The following TSPAN7 variants were observed in gnomAD, a reference collection of about 807,000 sequenced individuals.
The protein encoded by TSPAN7 is tetraspanin 7.
Under a neutral mutation model 17.6 loss-of-function variants are expected in TSPAN7, and 1 was observed. That is an observed-to-expected ratio of 0.06 (90% CI 0.02 to 0.27). TSPAN7 has a LOEUF of 0.27. TSPAN7 is among the 10% of genes least tolerant of loss of function. The probability of loss-of-function intolerance (pLI) is 1.00; values close to 1 mark genes in which losing one functional copy is unlikely to be tolerated. For missense variants in TSPAN7, 112 were observed against 201.7 expected (o/e 0.56, Z 2.69); for synonymous variants, 78 against 79.0 (o/e 0.99, Z 0.07).
intron 1 of TSPAN7, among the ~76,000 whole-genome samples, chrX:38,647,133 A>G (rs1258384630): frequency 8.9e-5 from 10 of 112,088 alleles, no homozygotes; most frequent in Non-Finnish European, 1.3e-4. Context: ...TATGCTTACT[A>G]CTCTTTTAAC....
intron 5 of TSPAN7, among the ~76,000 whole-genome samples, chrX:38,676,538 AAGATTATCTACATCTTAAATGTTT>A (rs2069855077): frequency 1.8e-5 from 2 of 112,483 alleles, no homozygotes; most frequent in African/African-American, 6.4e-5. Flanking sequence ...ACTGCATGTG[AAGATTATCTACATCTTAAATGTTT>A]AGAGAAATAC....
chrX:38,684,577 C>T (rs755491937), intron 6 of TSPAN7, among the ~76,000 whole-genome samples: 101 of 111,291 alleles, frequency 9.1e-4, no homozygotes, highest in Non-Finnish European at 1.5e-3. Context: ...TGGGCATGGA[C>T]ATGTTTATTG....
intron 1 of TSPAN7, among the ~76,000 whole-genome samples, chrX:38,564,747 A>G: frequency 8.9e-6 from 1 of 111,741 alleles, no homozygotes; most frequent in African/African-American, 3.3e-5. Context: ...TGTCTTTTTT[A>G]TGTGCTTGTT....
At chrX:38,565,850 C>T (rs1282854338) in intron 1 of TSPAN7, among the ~76,000 whole-genome samples, 2 of 111,539 alleles carry the variant, frequency 1.8e-5, no homozygotes. Context: ...AGTTTTGCCC[C>T]CCTCCCATAT....
intron 1 of TSPAN7, chrX:38,608,382 T>C (rs972335664): frequency 7.2e-5 from 8 of 110,509 alleles, no homozygotes; most frequent in African/African-American, 2.3e-4. Context: ...TTTAAAACAC[T>C]TGACTGCTGA....
intron 1 of TSPAN7, among the ~76,000 whole-genome samples, chrX:38,659,609 A>G (rs925544793): frequency 5.5e-5 from 6 of 109,568 alleles, no homozygotes; most frequent in African/African-American, 2.0e-4. Flanking sequence ...CAAAACTACA[A>G]CTGAAGCCCT....
intron 1 of TSPAN7, among the ~76,000 whole-genome samples, chrX:38,660,263 A>G: frequency 8.9e-6 from 1 of 112,179 alleles, no homozygotes; most frequent in East Asian, 2.8e-4. Context: ...TATACATACA[A>G]TTTGTAATAA....
At chrX:38,637,742 G>A (rs1406374505) in intron 1 of TSPAN7, among the ~76,000 whole-genome samples, 10 of 112,676 alleles carry the variant, frequency 8.9e-5, no homozygotes, top group Non-Finnish European at 1.7e-4. Context: ...CGGGTGGTCC[G>A]TGACACACTA....
intron 5 of TSPAN7, among the ~76,000 whole-genome samples, chrX:38,677,098 C>G (rs1437061212): frequency 8.9e-6 from 1 of 111,868 alleles, no homozygotes; most frequent in Non-Finnish European, 1.9e-5. Context: ...GCTTCCTCTT[C>G]TTTTGTGAAA....
intron 1 of TSPAN7, among the ~76,000 whole-genome samples, chrX:38,589,945 C>G (rs1602090383): frequency 8.9e-6 from 1 of 112,447 alleles, no homozygotes; most frequent in Non-Finnish European, 1.9e-5. Context: ...CTATAAAGAC[C>G]TAACTGGTGA....
intron 3 of TSPAN7, among the ~76,000 whole-genome samples, chrX:38,674,014 G>A (rs1307635086): frequency 9.0e-6 from 1 of 111,670 alleles, no homozygotes; most frequent in Non-Finnish European, 1.9e-5. Flanking sequence ...TTGAGGCTGA[G>A]GGGAACAATT....
At chrX:38,676,914 T>C (rs1469055526) in intron 5 of TSPAN7, among the ~76,000 whole-genome samples, 1 of 112,298 alleles carries the variant, frequency 8.9e-6, no homozygotes, top group African/African-American at 3.2e-5. Flanking sequence ...TGAGTACCCA[T>C]ACGTGTCATT....
chrX:38,605,628 G>A (rs1423310652), intron 1 of TSPAN7, among the ~76,000 whole-genome samples: 16 of 107,452 alleles, frequency 1.5e-4, no homozygotes, highest in African/African-American at 5.5e-4. Flanking sequence ...AAAGAACAAA[G>A]CTGGAGGCAT....
intron 1 of TSPAN7, among the ~76,000 whole-genome samples, chrX:38,562,643 T>G (rs1602079129): frequency 3.6e-5 from 4 of 110,526 alleles, no homozygotes; most frequent in Non-Finnish European, 7.6e-5. Flanking sequence ...AATCATGGAA[T>G]CAGTGCAGGG....
At chrX:38,614,597 G>A (rs1331465444) in intron 1 of TSPAN7, among the ~76,000 whole-genome samples, 1 of 112,708 alleles carries the variant, frequency 8.9e-6, no homozygotes, top group East Asian at 2.8e-4. Flanking sequence ...TTTGAGTTGT[G>A]TAACCTTGAT....
chrX:38,672,202 A>G (rs1473298382), intron 3 of TSPAN7, among the ~76,000 whole-genome samples: 3 of 111,632 alleles, frequency 2.7e-5, no homozygotes, highest in African/African-American at 9.8e-5. Context: ...AGCCAGAAGT[A>G]GATACACATG....
chrX:38,600,245 C>G lies in TSPAN7; in HGVS notation c.81+38618C>G, dbSNP rs186005303. Among the ~76,000 whole-genome samples the G allele has an allele frequency of 3.6e-5, 4 of 111,469 alleles. No homozygotes were observed. In the East Asian group the frequency reaches 8.5e-4, roughly 24 times the overall value. On this transcript the variant is annotated intron_variant, in intron 1 of 7. Coordinates refer to ENST00000378482, the MANE Select transcript of TSPAN7 (RefSeq NM_004615.4). ...CTCCTTGGTGATATGTGACCGTTTT[C>G]CTCCTGGAAGAGCTGTTCCATATAT...
At chrX:38,574,299 C>T (rs1275926085) in intron 1 of TSPAN7, among the ~76,000 whole-genome samples, 1 of 112,029 alleles carries the variant, frequency 8.9e-6, no homozygotes, top group East Asian at 2.8e-4. Flanking sequence ...ATAAAATTAT[C>T]TTTTTACAGA....
At chrX:38,605,340 A>G (rs1335245187) in intron 1 of TSPAN7, among the ~76,000 whole-genome samples, 1 of 110,391 alleles carries the variant, frequency 9.1e-6, no homozygotes, top group East Asian at 2.8e-4. Flanking sequence ...ATACCTAGGA[A>G]TCCAACTTAC....
Sources: allele counts gnomAD v4.1 joint callset (sites outside exome capture counted in the v4.1 genomes callset), GRCh38; gene constraint gnomAD v4.1.1; transcripts MANE v1.5; gene names NCBI Gene and HGNC (gene_info 2026-07-23, HGNC 2026-07-21).